STXBP5L: variants seen among roughly 807,000 people sequenced by gnomAD.
STXBP5L encodes syntaxin-binding protein 5-like.
A neutral mutation model predicts 144.5 loss-of-function variants in STXBP5L; 65 were observed. The observed-to-expected ratio is 0.45, with a 90% CI of 0.37 to 0.55. The LOEUF is 0.55. STXBP5L is among the 20% of genes least tolerant of loss of function. STXBP5L has a pLI of 0.00. For synonymous variants in STXBP5L, 505 were observed against 469.6 expected, an observed-to-expected ratio of 1.08 and a Z score of -0.97; for missense variants, 1,298 against 1,405.5, an observed-to-expected ratio of 0.92 and a Z score of 1.22.
rs72956071 is a variant in STXBP5L at position 121,114,514 on chromosome 3, T to C, written c.471-411T>C. 2.5e-3 allele frequency among the ~76,000 whole-genome samples: 382 copies of C among 152,152 alleles called. 2 individuals are homozygous for C. The highest frequency in any genetic ancestry group is 8.6e-3 in the African/African-American group (359 of 41,546). On this transcript the variant is annotated intron_variant, in intron 5 of 26. Coordinates refer to ENST00000471454, the MANE Select transcript of STXBP5L (RefSeq NM_001308330.2). ...TTTGAAGCAAATATGATCTTAAAAATAGAAAAAAATGTAGCTTAGTGAAAG... is the reference window on the plus strand; with the variant it reads ...TTTGAAGCAAATATGATCTTAAAAACAGAAAAAAATGTAGCTTAGTGAAAG...
chr3:121,096,875 G>C (rs1168968631), intron 5 of STXBP5L, among the ~76,000 whole-genome samples: 1 of 152,270 alleles, frequency 6.6e-6, no homozygotes, highest in South Asian at 2.1e-4. Flanking sequence ...CAAACACTCT[G>C]CTGGGAGTCC....
intron 20 of STXBP5L, among the ~76,000 whole-genome samples, chr3:121,355,726 G>A (rs1219311045): frequency 2.6e-5 from 4 of 152,100 alleles, no homozygotes; most frequent in African/African-American, 4.8e-5. Context: ...GCTTTGTTCT[G>A]TTACTGGCGA....
chr3:121,080,564 T>C (rs2042209688), intron 5 of STXBP5L, among the ~76,000 whole-genome samples: 1 of 152,196 alleles, frequency 6.6e-6, no homozygotes, highest in African/African-American at 2.4e-5. Context: ...AGACTTTATC[T>C]CTCCTTCATT....
intron 5 of STXBP5L, among the ~76,000 whole-genome samples, chr3:121,114,574 A>T (rs781404010): frequency 1.3e-5 from 2 of 152,134 alleles, no homozygotes; most frequent in Non-Finnish European, 2.9e-5. Flanking sequence ...AAAGGATTAG[A>T]ATCCCGGTTT....
At chr3:120,996,812 TTTA>T (rs1943385341) in intron 3 of STXBP5L, among the ~76,000 whole-genome samples, 1 of 152,150 alleles carries the variant, frequency 6.6e-6, no homozygotes, top group Admixed American at 6.6e-5. Flanking sequence ...CTTTCCAACT[TTTA>T]TTCTAGGTTC....
chr3:120,969,797 T>A (rs1161093503), intron 3 of STXBP5L, among the ~76,000 whole-genome samples: 1 of 152,028 alleles, frequency 6.6e-6, no homozygotes, highest in Non-Finnish European at 1.5e-5. Context: ...TTTGTCCACT[T>A]ACCTTCAAGA....
Position 121,041,694 on chromosome 3 carries a change from T to C in STXBP5L, c.288-6T>C, listed in dbSNP as rs1302243864. On this transcript the variant is annotated splice_polypyrimidine_tract_variant and splice_region_variant and intron_variant, in intron 3 of 26. Transcript: ENST00000471454. ...ATGTTAGAATCCTTGACTTTTATTA[T>C]ATTAGACTCGGGAGACCTGGTGTTG... is the stretch of plus-strand genomic sequence containing the variant. The C allele has an allele frequency of 1.2e-6, 2 of 1,608,006 alleles. No individual in the cohort carries two copies. Among genetic ancestry groups the C allele is most frequent in the Non-Finnish European group, 1.7e-6 (2 of 1,175,036 alleles).
At chr3:121,077,685 G>T (rs980012559) in intron 5 of STXBP5L, among the ~76,000 whole-genome samples, 3 of 152,176 alleles carry the variant, frequency 2.0e-5, no homozygotes, top group African/African-American at 4.8e-5. Context: ...CGAGTGGTCT[G>T]TTTTGACCGG....
At chr3:120,934,019 C>CT (rs11409531) in intron 2 of STXBP5L, among the ~76,000 whole-genome samples, 19,570 of 148,904 alleles carry the variant, frequency 0.13, 1,570 homozygotes, top group Non-Finnish European at 0.19. Flanking sequence ...AAATTTTGAG[C>CT]TTTTTTTTTG....
At chr3:120,978,567 G>A (rs9836123) in intron 3 of STXBP5L, among the ~76,000 whole-genome samples, 15,109 of 152,202 alleles carry the variant, frequency 0.099, 1,181 homozygotes, top group Admixed American at 0.2. Flanking sequence ...TCTCCATCCA[G>A]GTTTGTTCTG....
At chr3:121,194,906 ACT>A (rs2047857399) in intron 9 of STXBP5L, among the ~76,000 whole-genome samples, 1 of 104,640 alleles carries the variant, frequency 9.6e-6, no homozygotes, top group Non-Finnish European at 1.9e-5. Context: ...CCCTCTTTTC[ACT>A]CTTTTTTTTT....
At chr3:121,038,636 T>G (rs1795417) in intron 3 of STXBP5L, among the ~76,000 whole-genome samples, 1 of 151,656 alleles carries the variant, frequency 6.6e-6, no homozygotes, top group Non-Finnish European at 1.5e-5. Flanking sequence ...CTTTTACTTA[T>G]GTCTTCTTCA....
At chr3:121,061,796 C>T (rs1252379456) in intron 5 of STXBP5L, among the ~76,000 whole-genome samples, 1 of 152,116 alleles carries the variant, frequency 6.6e-6, no homozygotes, top group Non-Finnish European at 1.5e-5. Flanking sequence ...GCAACCCCTG[C>T]TTTATTTTGC....
At chr3:121,273,440 T>A (rs976306957) in intron 18 of STXBP5L, among the ~76,000 whole-genome samples, 6 of 152,158 alleles carry the variant, frequency 3.9e-5, no homozygotes, top group Non-Finnish European at 8.8e-5. Flanking sequence ...CTTTCAATTT[T>A]TTTTAATGTT....
chr3:121,281,884 T>G (rs1166764635), intron 19 of STXBP5L, among the ~76,000 whole-genome samples: 1 of 151,786 alleles, frequency 6.6e-6, no homozygotes, highest in Non-Finnish European at 1.5e-5. Context: ...AAGACAATCA[T>G]TTTTTATTAA....
At chr3:120,955,102 G>A in intron 3 of STXBP5L, 65 bp downstream of exon 3, 2 of 1,151,692 alleles carry the variant, frequency 1.7e-6, no homozygotes, top group Non-Finnish European at 2.6e-6. Context: ...TAAATATTCA[G>A]GTAAGATAAA....
intron 3 of STXBP5L, among the ~76,000 whole-genome samples, chr3:120,989,068 CG>C (rs756915356): frequency 6.6e-6 from 1 of 152,012 alleles, no homozygotes; most frequent in Non-Finnish European, 1.5e-5. Flanking sequence ...TACTATCCAT[CG>C]ATAGACACTT....
intron 9 of STXBP5L, among the ~76,000 whole-genome samples, chr3:121,185,696 T>G (rs1050983147): frequency 1.3e-5 from 2 of 152,232 alleles, no homozygotes; most frequent in Non-Finnish European, 2.9e-5. Context: ...TTTTGGTTAC[T>G]ATAGCCTTGT....
chr3:120,983,388 G>T (rs572220293), intron 3 of STXBP5L, among the ~76,000 whole-genome samples: 9 of 152,286 alleles, frequency 5.9e-5, no homozygotes, highest in African/African-American at 2.2e-4. Context: ...TCCCACAGCA[G>T]TGGTGGTGGT....
Sources: gnomAD v4.1 joint callset for allele counts (sites outside exome capture counted in the v4.1 genomes callset) on GRCh38, gnomAD v4.1.1 for gene constraint, MANE v1.5 for transcripts, NCBI Gene and HGNC (gene_info 2026-07-23, HGNC 2026-07-21) for gene names.